GRAMD1C: variants seen among roughly 807,000 people sequenced by gnomAD.
GRAMD1C encodes the protein protein Aster-C.
Under a neutral mutation model 97.8 loss-of-function variants are expected in GRAMD1C, and 89 were observed. The ratio of observed to expected loss-of-function variants is 0.91; its 90% CI spans 0.77 to 1.09. The LOEUF is 1.09. GRAMD1C is among the 50% of genes least tolerant of loss of function. The probability of loss-of-function intolerance (pLI) is 0.00; values close to 1 mark genes in which losing one functional copy is unlikely to be tolerated. For synonymous variants in GRAMD1C, 256 were observed against 267.0 expected, an observed-to-expected ratio of 0.96 and a Z score of 0.40; for missense variants, 740 against 766.4, an observed-to-expected ratio of 0.97 and a Z score of 0.41.
chr3:113,915,642 G>A, intron 9 of GRAMD1C, 59 bp from the exon 10 acceptor site: 2 of 1,433,900 alleles, frequency 1.4e-6, no homozygotes, highest in Non-Finnish European at 1.9e-6. Context: ...ACCCCCTAAA[G>A]CCTTAAAATA....
intron 6 of GRAMD1C, 26 bp downstream of exon 6, chr3:113,882,858 G>T: frequency 8.6e-7 from 1 of 1,158,900 alleles, no homozygotes; most frequent in Non-Finnish European, 1.3e-6. Flanking sequence ...AGAGGCAGTT[G>T]CTTATTATAA....
At chr3:113,850,750 C>G (rs146810450) in intron 2 of GRAMD1C, 2 of 1,352,516 alleles carry the variant, frequency 1.5e-6, no homozygotes, top group South Asian at 1.2e-5. Context: ...CTGTAGGGTC[C>G]GGGGCTGAGG....
At chr3:113,869,376 A>C in intron 2 of GRAMD1C, 131 bp from the exon 3 acceptor site, 1 of 595,454 alleles carries the variant, frequency 1.7e-6, no homozygotes, top group Non-Finnish European at 3.0e-6. Flanking sequence ...GGTGTTTTTG[A>C]AATGTTTATT....
intron 5 of GRAMD1C, among the ~76,000 whole-genome samples, chr3:113,880,740 G>A (rs2632255): frequency 0.38 from 58,383 of 151,876 alleles, 11,568 homozygotes; most frequent in East Asian, 0.61. Flanking sequence ...AGCTCTTTAC[G>A]TATATTTTCA....
intron 6 of GRAMD1C, among the ~76,000 whole-genome samples, chr3:113,893,566 T>C (rs573369788): frequency 1.3e-5 from 2 of 152,356 alleles, no homozygotes; most frequent in Non-Finnish European, 1.5e-5. Flanking sequence ...TTCTCCTTGC[T>C]TAACTATAAA....
At chr3:113,870,875 G>T (rs1934775364) in intron 3 of GRAMD1C, among the ~76,000 whole-genome samples, 2 of 144,310 alleles carry the variant, frequency 1.4e-5, no homozygotes, top group African/African-American at 2.6e-5. Context: ...CCAGCACTTT[G>T]GGAGGCTGAG....
At chr3:113,837,877 C>T (rs1709665157), upstream of GRAMD1C, among the ~76,000 whole-genome samples, 2 of 152,174 alleles carry the variant, frequency 1.3e-5, no homozygotes, top group African/African-American at 4.8e-5. Context: ...CACCGCACTC[C>T]AGCTGGTCTA....
At chr3:113,874,464 T>G (rs769234135) in intron 3 of GRAMD1C, among the ~76,000 whole-genome samples, 3 of 152,044 alleles carry the variant, frequency 2.0e-5, no homozygotes, top group Non-Finnish European at 4.4e-5. Context: ...TTCTCCCACC[T>G]CAGCCTCCTG....
chr3:113,922,198 A>C (rs776115082), intron 10 of GRAMD1C, among the ~76,000 whole-genome samples: 4 of 151,864 alleles, frequency 2.6e-5, no homozygotes, highest in Non-Finnish European at 2.9e-5. Flanking sequence ...CAGCCCCCCA[A>C]GTAGCTGGGA....
chr3:113,838,225 T>A (rs1250691733), upstream of GRAMD1C, among the ~76,000 whole-genome samples: 2 of 152,170 alleles, frequency 1.3e-5, no homozygotes, highest in Non-Finnish European at 2.9e-5. Context: ...GAACCAAGAA[T>A]CTGCAATACG....
At chr3:113,906,143 A>G (rs901225739) in intron 8 of GRAMD1C, among the ~76,000 whole-genome samples, 1 of 152,264 alleles carries the variant, frequency 6.6e-6, no homozygotes, top group Admixed American at 6.5e-5. Flanking sequence ...GGTATAGCAC[A>G]AACAATTATA....
rs200204446 is a variant in GRAMD1C at position 113,876,041 on chromosome 3, C to T, written c.364-124C>T. ...CGTGTACTTATTAACTCCTTCAAGTCGAAAAACCTGAAGAATATTCAACTG... is the reference window on the plus strand; with the variant it reads ...CGTGTACTTATTAACTCCTTCAAGTTGAAAAACCTGAAGAATATTCAACTG... On this transcript the variant is annotated intron_variant, in intron 4 of 17. Transcript: ENST00000358160. 1.4e-4 allele frequency: 87 copies of T among 601,898 alleles called. No homozygotes were observed. The East Asian group carries it at 1.6e-3, about 11-fold the overall frequency. The allele number at this position is 601,898 out of a possible 1,614,324, so 37.3% of individuals were successfully genotyped here.
chr3:113,920,176 A>T, intron 10 of GRAMD1C: 1 of 1,394,368 alleles, frequency 7.2e-7, no homozygotes, highest in East Asian at 2.3e-5. Flanking sequence ...AATCACAGGC[A>T]TCTGCTCAAC....
rs79872176 is a variant in GRAMD1C at position 113,915,235 on chromosome 3, G to C, written c.953-466G>C. Among the ~76,000 whole-genome samples, 558 of 152,218 alleles carry C rather than the reference G, an allele frequency of 3.7e-3. 2 individuals carry two copies. The highest frequency in any genetic ancestry group is 0.013 in the African/African-American group (540 of 41,552). On this transcript the variant is annotated intron_variant, in intron 9 of 17. Coordinates refer to ENST00000358160, the MANE Select transcript of GRAMD1C (RefSeq NM_017577.5). ...TTAAGTCAAGTTGAAACATTATTCA[G>C]GCTGATAAGCTAAGTGCAGCAGATA...
chr3:113,924,716 A>G (rs187944292), intron 10 of GRAMD1C, among the ~76,000 whole-genome samples: 1 of 152,300 alleles, frequency 6.6e-6, no homozygotes, highest in East Asian at 1.9e-4. Flanking sequence ...AGTATGTGCC[A>G]GGTGCAAATG....
chr3:113,891,357 G>A (rs1935717235), intron 6 of GRAMD1C, among the ~76,000 whole-genome samples: 2 of 152,096 alleles, frequency 1.3e-5, no homozygotes, highest in African/African-American at 4.8e-5. Flanking sequence ...AGTATTAGGT[G>A]CCAGGCACAG....
chr3:113,942,487 T>A (rs562077907), intron 17 of GRAMD1C, among the ~76,000 whole-genome samples: 122 of 152,128 alleles, frequency 8.0e-4, no homozygotes, highest in African/African-American at 2.8e-3. Context: ...GGCTGAGAAA[T>A]CCTGGTTATC....
chr3:113,866,959 G>A (rs112477642), intron 2 of GRAMD1C, among the ~76,000 whole-genome samples: 2 of 152,046 alleles, frequency 1.3e-5, no homozygotes, highest in Non-Finnish European at 2.9e-5. Flanking sequence ...CTCCCGAGTA[G>A]CTGAGATTAC....
chr3:113,937,740 C>T (rs1449641861), intron 14 of GRAMD1C, among the ~76,000 whole-genome samples: 3 of 152,156 alleles, frequency 2.0e-5, no homozygotes, highest in East Asian at 1.9e-4. Flanking sequence ...TGCGGTGGCT[C>T]ACGCCTGTAA....
Sources: gnomAD v4.1 joint callset for allele counts (sites outside exome capture counted in the v4.1 genomes callset) on GRCh38, gnomAD v4.1.1 for gene constraint, MANE v1.5 for transcripts, NCBI Gene and HGNC (gene_info 2026-07-23, HGNC 2026-07-21) for gene names.